Variants in NAAA observed in about 807,000 individuals in gnomAD.
The protein encoded by NAAA is N-acylethanolamine acid amidase.
In NAAA, 39 loss-of-function variants were observed where a neutral mutation model predicts 44.8. The observed-to-expected ratio is 0.87, with a 90% confidence interval of 0.67 to 1.14. The LOEUF (loss-of-function observed/expected upper bound fraction) is 1.14, where lower values mean the gene tolerates loss of function less well. Among genes scored for constraint, NAAA ranks in the 50% most tolerant of loss-of-function variants. NAAA has a pLI of 0.00. For missense variants in NAAA, 460 were observed against 467.8 expected (o/e 0.98, Z 0.15); for synonymous variants, 178 against 191.3 (o/e 0.93, Z 0.58).
intron 3 of NAAA, 58 bp downstream of exon 3, chr4:75,936,051 T>G: frequency 6.2e-7 from 1 of 1,605,366 alleles, no homozygotes; most frequent in African/African-American, 1.3e-5. Context: ...TCCAAATGAC[T>G]GCTAACTTGA....
intron 3 of NAAA, 146 bp from the exon 4 acceptor site, chr4:75,931,450 A>AG: frequency 1.8e-6 from 1 of 552,400 alleles, no homozygotes; most frequent in Non-Finnish European, 3.1e-6. Flanking sequence ...TCTAAGACAG[A>AG]GGTTCTTAAC....
chr4:75,938,032 C>T (rs986743193), intron 2 of NAAA, among the ~76,000 whole-genome samples: 2 of 152,314 alleles, frequency 1.3e-5, no homozygotes, highest in South Asian at 4.1e-4. Flanking sequence ...ACTGGAGATT[C>T]CCATGCTTTT....
chr4:75,936,847 G>A (rs28588114), intron 2 of NAAA, among the ~76,000 whole-genome samples: 31,232 of 152,090 alleles, frequency 0.21, 3,641 homozygotes, highest in East Asian at 0.35. Flanking sequence ...GAGGAGGCTT[G>A]TTAAGTATCT....
At chr4:75,915,409 G>A (rs1158838204) in intron 9 of NAAA, among the ~76,000 whole-genome samples, 3 of 152,104 alleles carry the variant, frequency 2.0e-5, no homozygotes, top group Admixed American at 2.0e-4. Flanking sequence ...GGCAGTGGGG[G>A]AGACCAAGCC....
At chr4:75,918,636 C>T (rs1560500133) in intron 9 of NAAA, 125 bp downstream of exon 9, 1 of 940,312 alleles carries the variant, frequency 1.1e-6, no homozygotes, top group Non-Finnish European at 1.7e-6. Context: ...CAGGAGTGCC[C>T]CCACAGGAGT....
intron 6 of NAAA, 50 bp from the exon 7 acceptor site, chr4:75,920,850 G>C: frequency 6.2e-7 from 1 of 1,613,430 alleles, no homozygotes; most frequent in Non-Finnish European, 8.5e-7. Flanking sequence ...TTACGACATA[G>C]CAGAGGAGAC....
At chr4:75,927,809 C>T (rs1045359568) in intron 4 of NAAA, among the ~76,000 whole-genome samples, 1 of 150,876 alleles carries the variant, frequency 6.6e-6, no homozygotes, top group Non-Finnish European at 1.5e-5. Context: ...AAAAAATGGG[C>T]AAAGGACTTG....
At chr4:75,911,566 TTATGCACTGAG>T (rs1200316332), downstream of NAAA, among the ~76,000 whole-genome samples, 1 of 152,128 alleles carries the variant, frequency 6.6e-6, no homozygotes, top group East Asian at 1.9e-4. Context: ...AAAACAGTCT[TTATGCACTGAG>T]TATGCCCTTT....
intron 2 of NAAA, 136 bp downstream of exon 2, chr4:75,939,865 G>C: frequency 1.0e-6 from 1 of 963,136 alleles, no homozygotes; most frequent in South Asian, 1.6e-5. Context: ...GAGAGGCAAA[G>C]AGGAAGCGCT....
At chr4:75,914,439 AT>A (rs1266576312) in intron 10 of NAAA, 101 bp from the exon 11 acceptor site, 4 of 409,262 alleles carry the variant, frequency 9.8e-6, no homozygotes, top group Non-Finnish European at 1.3e-5. Flanking sequence ...CAGTGGTGTG[AT>A]CTCAGCTCAC....
Position 75,940,739 on chromosome 4 carries a change from C to T in NAAA, c.206+5G>A. The T allele has an allele frequency of 6.3e-7, 1 of 1,594,430 alleles. No individual in the cohort carries two copies. Among genetic ancestry groups the T allele is most frequent in the South Asian group, 1.1e-5 (1 of 90,098 alleles). On this transcript the variant is annotated splice_donor_5th_base_variant and intron_variant, in intron 1 of 10. Transcript: ENST00000286733. ...CCGCAGACCCCGTCCAGGGCCCCAG[C>T]TCACCCGATGACTTGCGCCATCGCG... is the stretch of plus-strand genomic sequence containing the variant.
intron 3 of NAAA, chr4:75,934,799 A>G (rs1393038510): frequency 1.3e-5 from 2 of 152,226 alleles, no homozygotes; most frequent in Admixed American, 6.5e-5. Context: ...TACTGAGAGT[A>G]AAACTACCTC....
chr4:75,936,129 G>A lies in NAAA; in HGVS notation c.478C>T (p.Gln160Ter), dbSNP rs764621735. The A allele has an allele frequency of 2.5e-6, 4 of 1,613,822 alleles. No individual in the cohort carries two copies. In the African/African-American group the frequency reaches 5.3e-5, roughly 22 times the overall value. ...NVLRKLTVDV[Q>*]FLKNGQIAFT... Reference sequence around the variant, plus strand: ...TATACCTGCCCATTCTTTAAGAATTGCACATCCACTGTCAGCTTGCGTAAG... The same window carrying A: ...TATACCTGCCCATTCTTTAAGAATTACACATCCACTGTCAGCTTGCGTAAG... Residue 160 changes from glutamine (Q) to a stop codon, truncating the protein, a stop_gained, in exon 3 of 11, where the codon CAA becomes TAA. Transcript: ENST00000286733. LOFTEE classifies it high-confidence loss of function.
chr4:75,927,518 T>C (rs1263792036), intron 4 of NAAA, among the ~76,000 whole-genome samples: 1 of 151,606 alleles, frequency 6.6e-6, no homozygotes, highest in African/African-American at 2.4e-5. Context: ...TCCCAGCACT[T>C]TGGGAAGAAG....
At chr4:75,916,789 T>TC in intron 9 of NAAA, among the ~76,000 whole-genome samples, 1 of 142,218 alleles carries the variant, frequency 7.0e-6, no homozygotes, top group East Asian at 2.0e-4. Flanking sequence ...TTTTTTTTTT[T>TC]TTTTTTTTTT....
Position 75,918,784 on chromosome 4 carries a change from C to T in NAAA, c.975G>A (p.Leu325=). 9 of 1,612,510 alleles carry T rather than the reference C, an allele frequency of 5.6e-6. No homozygotes were observed. In the African/African-American group the frequency reaches 6.7e-5, roughly 12 times the overall value. Residue 325 remains leucine, a synonymous_variant, in exon 9 of 11, where the codon TTG becomes TTA. Transcript: ENST00000286733. ...NLSLEALFQI[L]SVVPVYNNFT... ...ACTTGTTATAAACTGGAACCACCGA[C>T]AAAATCTGCATAGGAAAAAGTCATT... is the stretch of plus-strand genomic sequence containing the variant.
intron 2 of NAAA, among the ~76,000 whole-genome samples, chr4:75,938,466 T>A (rs1727925773): frequency 6.6e-6 from 1 of 152,210 alleles, no homozygotes; most frequent in Non-Finnish European, 1.5e-5. Flanking sequence ...AAAATTATAA[T>A]AACTTAGTTC....
intron 3 of NAAA, among the ~76,000 whole-genome samples, chr4:75,934,052 G>GTAA (rs66466020): frequency 7.4e-4 from 105 of 142,028 alleles, no homozygotes; most frequent in East Asian, 4.8e-3. Flanking sequence ...AATAGTAGTA[G>GTAA]TAATAATAAT....
chr4:75,913,739 A>G lies in NAAA; in HGVS notation c.*636T>C, dbSNP rs1725428624. ...CTTAATTATGTGACATTAAGAAATAATTTGGTTGCATATTATTTTCAAAAA... is the reference window on the plus strand; with the variant it reads ...CTTAATTATGTGACATTAAGAAATAGTTTGGTTGCATATTATTTTCAAAAA... On this transcript the variant is annotated 3_prime_UTR_variant, in exon 11 of 11. Coordinates refer to ENST00000286733, the MANE Select transcript of NAAA (RefSeq NM_014435.4). The G allele has an allele frequency of 1.0e-6, 1 of 981,092 alleles. No homozygotes were observed. Among genetic ancestry groups the G allele is most frequent in the Non-Finnish European group, 1.2e-6 (1 of 826,072 alleles). The allele number at this position is 981,092 out of a possible 1,614,324, so 60.8% of individuals were successfully genotyped here. A position where few individuals can be genotyped will look rare whatever the true frequency, so the allele number is the denominator to read the frequency against.
Sources: gnomAD v4.1 joint callset for allele counts (sites outside exome capture counted in the v4.1 genomes callset) on GRCh38, gnomAD v4.1.1 for gene constraint, MANE v1.5 for transcripts, NCBI Gene and HGNC (gene_info 2026-07-23, HGNC 2026-07-21) for gene names.